Variants in CNTN6 observed in about 807,000 individuals in gnomAD.
CNTN6 encodes the protein contactin-6.
A neutral mutation model predicts 122.8 loss-of-function variants in CNTN6; 137 were observed. The observed-to-expected ratio is 1.12, with a 90% CI of 0.97 to 1.29. The LOEUF (loss-of-function observed/expected upper bound fraction) is 1.29, where lower values mean the gene tolerates loss of function less well. Ranked by LOEUF, CNTN6 falls within the 50% of genes most tolerant of loss-of-function variation. CNTN6 has a pLI of 0.00. For synonymous variants in CNTN6, 570 were observed against 426.0 expected (o/e 1.34, Z -4.16); for missense variants, 1,634 against 1,223.4 (o/e 1.34, Z -5.01).
chr3:1,225,962 T>C (rs1024732518), intron 3 of CNTN6, among the ~76,000 whole-genome samples: 3 of 152,234 alleles, frequency 2.0e-5, no homozygotes, highest in African/African-American at 7.2e-5. Flanking sequence ...TTCATATTTC[T>C]TTTCTACTTT....
chr3:1,239,314 A>C (rs1044020960), intron 4 of CNTN6, among the ~76,000 whole-genome samples: 1 of 152,226 alleles, frequency 6.6e-6, no homozygotes, highest in African/African-American at 2.4e-5. Flanking sequence ...AAATGAATTC[A>C]CCAAAGTTTC....
chr3:1,383,670 A>C (rs78236779), intron 19 of CNTN6, among the ~76,000 whole-genome samples: 5,684 of 151,024 alleles, frequency 0.038, 306 homozygotes, highest in African/African-American at 0.13. Flanking sequence ...AAAACAAAAA[A>C]AAACAGCTTT....
At chr3:1,286,702 G>C (rs1282156535) in intron 5 of CNTN6, among the ~76,000 whole-genome samples, 1 of 152,102 alleles carries the variant, frequency 6.6e-6, no homozygotes, top group Middle Eastern at 3.4e-3. Context: ...ATGTAAACAG[G>C]CTAAATGTCC....
At chr3:1,262,092 C>T (rs1031082145) in intron 4 of CNTN6, among the ~76,000 whole-genome samples, 2 of 152,138 alleles carry the variant, frequency 1.3e-5, no homozygotes, top group Non-Finnish European at 2.9e-5. Flanking sequence ...ATTACAGTTT[C>T]TGCCTGTCTT....
chr3:1,389,353 A>G (rs1346383046), intron 20 of CNTN6, among the ~76,000 whole-genome samples: 1 of 152,070 alleles, frequency 6.6e-6, no homozygotes, highest in Admixed American at 6.6e-5. Context: ...TTTACAGACA[A>G]GCAAATGCTG....
chr3:1,163,731 G>A (rs1202756423), intron 2 of CNTN6, among the ~76,000 whole-genome samples: 1 of 152,202 alleles, frequency 6.6e-6, no homozygotes, highest in African/African-American at 2.4e-5. Context: ...TCATTGATTA[G>A]TCTGCCTGTC....
chr3:1,225,328 C>T (rs536485748), intron 3 of CNTN6, among the ~76,000 whole-genome samples: 1 of 152,240 alleles, frequency 6.6e-6, no homozygotes, highest in African/African-American at 2.4e-5. Flanking sequence ...AAAGCCCACA[C>T]CAGGAGTTGA....
intron 1 of CNTN6, among the ~76,000 whole-genome samples, chr3:1,129,549 C>T (rs1006622907): frequency 1.3e-5 from 2 of 151,936 alleles, no homozygotes; most frequent in Non-Finnish European, 2.9e-5. Flanking sequence ...TGCATTTTTT[C>T]GTAAAATGTG....
intron 1 of CNTN6, among the ~76,000 whole-genome samples, chr3:1,094,834 G>A (rs1251268794): frequency 4.6e-5 from 7 of 151,768 alleles, no homozygotes; most frequent in Admixed American, 3.3e-4. Context: ...TCTTTTATGT[G>A]AGGAGAAGGA....
chr3:1,349,414 A>G (rs1388430511), intron 11 of CNTN6, among the ~76,000 whole-genome samples: 3 of 151,484 alleles, frequency 2.0e-5, no homozygotes, highest in African/African-American at 7.3e-5. Context: ...TTTAAATGCC[A>G]GAGAAGCATA....
At chr3:1,376,232 A>G (rs1212633979) in intron 16 of CNTN6, among the ~76,000 whole-genome samples, 1 of 152,136 alleles carries the variant, frequency 6.6e-6, no homozygotes, top group Non-Finnish European at 1.5e-5. Context: ...CTACAATACC[A>G]TATACACACT....
intron 4 of CNTN6, among the ~76,000 whole-genome samples, chr3:1,257,425 T>A (rs2094777232): frequency 6.6e-6 from 1 of 152,120 alleles, no homozygotes; most frequent in South Asian, 2.1e-4. Flanking sequence ...ATTTAAGCCC[T>A]ATGATTGTAA....
intron 4 of CNTN6, among the ~76,000 whole-genome samples, chr3:1,232,527 C>G (rs2094365405): frequency 6.6e-6 from 1 of 152,238 alleles, no homozygotes; most frequent in Non-Finnish European, 1.5e-5. Flanking sequence ...TTGTTCCAAA[C>G]TCTTTATGTA....
chr3:1,168,438 G>C (rs1465757231), intron 2 of CNTN6, among the ~76,000 whole-genome samples: 1 of 149,724 alleles, frequency 6.7e-6, no homozygotes, highest in Non-Finnish European at 1.5e-5. Flanking sequence ...TGTCTTATCA[G>C]AATGTGACTA....
At chr3:1,213,660 GTATA>G (rs1188750283) in intron 2 of CNTN6, among the ~76,000 whole-genome samples, 82 of 151,734 alleles carry the variant, frequency 5.4e-4, no homozygotes, top group African/African-American at 1.9e-3. Flanking sequence ...CTGTATTCAT[GTATA>G]GATAGATAAT....
intron 4 of CNTN6, among the ~76,000 whole-genome samples, chr3:1,254,859 C>T (rs113091187): frequency 0.014 from 2,095 of 152,074 alleles, 62 homozygotes; most frequent in African/African-American, 0.048. Flanking sequence ...GAAAAAAACC[C>T]ATGATGTCCA....
intron 1 of CNTN6, among the ~76,000 whole-genome samples, chr3:1,136,382 A>G (rs2092473337): frequency 6.6e-6 from 1 of 152,114 alleles, no homozygotes; most frequent in South Asian, 2.1e-4. Context: ...TGAAGCGTTC[A>G]CTGTTGGAAA....
At chr3:1,400,802 T>C (rs927650455) in intron 20 of CNTN6, among the ~76,000 whole-genome samples, 2 of 152,062 alleles carry the variant, frequency 1.3e-5, no homozygotes, top group Admixed American at 1.3e-4. Flanking sequence ...GACAAAGAGG[T>C]ACTCTCTGGC....
At chr3:1,206,936 C>T (rs58727792) in intron 2 of CNTN6, among the ~76,000 whole-genome samples, 25,284 of 152,128 alleles carry the variant, frequency 0.17, 2,634 homozygotes, top group African/African-American at 0.29. Flanking sequence ...GGTTCCTCCT[C>T]ACCAGTGTGA....
Sources: allele counts gnomAD v4.1 joint callset (sites outside exome capture counted in the v4.1 genomes callset), GRCh38; gene constraint gnomAD v4.1.1; transcripts MANE v1.5; gene names NCBI Gene and HGNC (gene_info 2026-07-23, HGNC 2026-07-21).